KLF12: variants seen among roughly 807,000 people sequenced by gnomAD.
KLF12 encodes Krueppel-like factor 12.
In KLF12, 9 loss-of-function variants were observed where a neutral mutation model predicts 37.8. The observed-to-expected ratio is 0.24, with a 90% CI of 0.14 to 0.42. The LOEUF (loss-of-function observed/expected upper bound fraction) is 0.42, where lower values mean the gene tolerates loss of function less well. KLF12 is among the 10% of genes least tolerant of loss of function. KLF12 has a pLI of 1.00. For missense variants in KLF12, 411 were observed against 516.0 expected (o/e 0.80, Z 1.97); for synonymous variants, 208 against 202.1 (o/e 1.03, Z -0.25).
At chr13:73,920,983 C>T (rs1027890279) in intron 3 of KLF12, among the ~76,000 whole-genome samples, 2 of 152,100 alleles carry the variant, frequency 1.3e-5, no homozygotes, top group Non-Finnish European at 2.9e-5. Context: ...CATCTTGGGT[C>T]TCCTTCTAAA....
intron 7 of KLF12, among the ~76,000 whole-genome samples, chr13:73,699,123 C>A (rs976704762): frequency 6.6e-6 from 1 of 151,962 alleles, no homozygotes; most frequent in Admixed American, 6.6e-5. Flanking sequence ...ACTTGGGAAG[C>A]TGAGGCAGGA....
Position 73,943,986 on chromosome 13 carries a change from G to T in KLF12, c.118C>A (p.Gln40Lys). The change falls in exon 3 of 8, where the codon CAA becomes AAA. Residue 40 changes from glutamine (Q) to lysine (K), a missense_variant. This residue lies in a region of KLF12 where 351 missense variants were observed against 397.8 expected (regional missense o/e 0.88). Coordinates refer to ENST00000377669, the MANE Select transcript of KLF12 (RefSeq NM_007249.5). ...TGCTGGAAACTTGTGCTTACCCCTT[G>T]TTCAGATTCCAAAAGCTCTGTTTTG... The T allele has an allele frequency of 1.2e-6, 2 of 1,607,234 alleles. No homozygotes were observed. The highest frequency in any genetic ancestry group is 2.2e-5 in the South Asian group (2 of 90,918).
intron 6 of KLF12, among the ~76,000 whole-genome samples, chr13:73,742,882 G>A (rs923735333): frequency 6.6e-6 from 1 of 152,242 alleles, no homozygotes; most frequent in African/African-American, 2.4e-5. Context: ...ACAGCCACAA[G>A]AGAAAATAAT....
At chr13:73,719,716 C>T (rs1449450152) in intron 6 of KLF12, among the ~76,000 whole-genome samples, 1 of 152,074 alleles carries the variant, frequency 6.6e-6, no homozygotes, top group African/African-American at 2.4e-5. Flanking sequence ...GATCCTCCCC[C>T]TCAGCCTCCT....
chr13:74,056,005 C>A (rs1048233572), intron 1 of KLF12, among the ~76,000 whole-genome samples: 18 of 152,218 alleles, frequency 1.2e-4, no homozygotes, highest in Non-Finnish European at 2.5e-4. Context: ...ATCCTCAACC[C>A]AGTTCAGGAA....
the KLF12 span, among the ~76,000 whole-genome samples, chr13:74,264,360 G>A: frequency 6.6e-6 from 1 of 152,196 alleles, no homozygotes; most frequent in South Asian, 2.1e-4. Flanking sequence ...TCTTATAGCT[G>A]TAGAGATGAG....
chr13:74,025,564 A>G (rs1892955076), intron 1 of KLF12, among the ~76,000 whole-genome samples: 1 of 116,988 alleles, frequency 8.5e-6, no homozygotes, highest in Admixed American at 7.9e-5. Context: ...GTTCAGAGTT[A>G]AAAAAAAAAA....
chr13:73,747,582 A>G (rs1390311646), intron 6 of KLF12, among the ~76,000 whole-genome samples: 1 of 152,254 alleles, frequency 6.6e-6, no homozygotes, highest in East Asian at 1.9e-4. Context: ...ATGGCTGTAC[A>G]TAAATGAGTC....
chr13:73,772,879 G>A (rs1880356752), intron 5 of KLF12, among the ~76,000 whole-genome samples: 1 of 131,204 alleles, frequency 7.6e-6, no homozygotes, highest in Non-Finnish European at 1.8e-5. Context: ...ATGACGGTGG[G>A]TCGAGGGAGG....
chr13:73,915,109 G>A (rs1469176331), intron 3 of KLF12, among the ~76,000 whole-genome samples: 1 of 152,156 alleles, frequency 6.6e-6, no homozygotes, highest in Non-Finnish European at 1.5e-5. Context: ...TCCAGTGGCT[G>A]CTGGTATTCC....
rs114158474 is a variant in KLF12 at position 73,851,137 on chromosome 13, C to T, written c.124-4764G>A. On this transcript the variant is annotated intron_variant, in intron 3 of 7. Coordinates refer to ENST00000377669, the MANE Select transcript of KLF12 (RefSeq NM_007249.5). ...GGCATTAAGTGCTTTTTAAGTAATA[C>T]TGAGAAATGAGAGAGACAAGCAAAT... 6.6e-3 allele frequency among the ~76,000 whole-genome samples: 998 copies of T among 152,216 alleles called. 12 individuals carry two copies. Among genetic ancestry groups the T allele is most frequent in the African/African-American group, 0.023 (950 of 41,516 alleles).
chr13:74,140,936 A>G, the KLF12 span, among the ~76,000 whole-genome samples: 23 of 49,896 alleles, frequency 4.6e-4, no homozygotes, highest in South Asian at 2.5e-3. Context: ...GGCGCCTGTA[A>G]TCCCAGCTAC....
chr13:74,130,647 A>C (rs1265350184), intron 1 of KLF12, among the ~76,000 whole-genome samples: 1 of 13,416 alleles, frequency 7.5e-5, no homozygotes, highest in African/African-American at 9.7e-5. Flanking sequence ...CCTCAACTCA[A>C]AAAAAAAAAA....
At chr13:73,951,372 G>A (rs1391765835) in intron 2 of KLF12, among the ~76,000 whole-genome samples, 1 of 152,108 alleles carries the variant, frequency 6.6e-6, no homozygotes, top group Non-Finnish European at 1.5e-5. Flanking sequence ...TATTTTAGAT[G>A]AGAAAATTAT....
intron 5 of KLF12, among the ~76,000 whole-genome samples, chr13:73,768,829 G>T (rs1030011017): frequency 6.6e-6 from 1 of 152,154 alleles, no homozygotes; most frequent in African/African-American, 2.4e-5. Flanking sequence ...AAAGAGAAAA[G>T]TCAGGATTTA....
Position 73,760,562 on chromosome 13 carries a change from A to G in KLF12, c.869+4376T>C, listed in dbSNP as rs535547549. Among the ~76,000 whole-genome samples the G allele has an allele frequency of 9.9e-5, 15 of 152,242 alleles. No homozygotes were observed. The South Asian group carries it at 2.3e-3, about 23-fold the overall frequency. ...GGTCTTAAACTCCTGGGCTCAGGCA[A>G]TTCTTCAGCTTCAGCCTCCCAAAGT... On this transcript the variant is annotated intron_variant, in intron 6 of 7. Transcript: ENST00000377669.
intron 5 of KLF12, among the ~76,000 whole-genome samples, chr13:73,784,376 T>G (rs1323094211): frequency 1.3e-5 from 2 of 152,126 alleles, no homozygotes; most frequent in Non-Finnish European, 2.9e-5. Context: ...AACCCACTAT[T>G]TCACATCACT....
At chr13:73,914,854 G>A (rs577203467) in intron 3 of KLF12, among the ~76,000 whole-genome samples, 5 of 151,828 alleles carry the variant, frequency 3.3e-5, no homozygotes, top group South Asian at 2.1e-4. Context: ...CCTCTTGCTC[G>A]TTTTTGCTTT....
At chr13:73,893,597 G>T (rs889545723) in intron 3 of KLF12, among the ~76,000 whole-genome samples, 12 of 152,026 alleles carry the variant, frequency 7.9e-5, no homozygotes, top group African/African-American at 2.9e-4. Flanking sequence ...GGCCAGGCTG[G>T]TCTTAAACTC....
Sources: gnomAD v4.1 joint callset for allele counts (sites outside exome capture counted in the v4.1 genomes callset) on GRCh38, gnomAD v4.1.1 for gene constraint, gnomAD v4.1.1 regional missense constraint, MANE v1.5 for transcripts, NCBI Gene and HGNC (gene_info 2026-07-23, HGNC 2026-07-21) for gene names.